The following PHF14 variants were observed in gnomAD, a reference collection of about 807,000 sequenced individuals.
PHF14 encodes PHD finger protein 14.
PHF14 carries 55 observed loss-of-function variants against 117.9 expected under a neutral mutation model. The ratio of observed to expected loss-of-function variants is 0.47; its 90% CI spans 0.38 to 0.58. PHF14 has a LOEUF of 0.58. PHF14 is among the 20% of genes least tolerant of loss of function. PHF14 has a pLI of 0.00. For synonymous variants in PHF14, 409 were observed against 368.6 expected (o/e 1.11, Z -1.26); for missense variants, 978 against 1,122.2 (o/e 0.87, Z 1.84).
intron 16 of PHF14, chr7:11,105,704 TAAA>T: frequency 1.0e-6 from 1 of 984,650 alleles, no homozygotes; most frequent in Non-Finnish European, 1.2e-6. Flanking sequence ...TATTTCTCTA[TAAA>T]AGTGGAAGCC....
chr7:11,134,732 G>A (rs1482478062), intron 17 of PHF14, among the ~76,000 whole-genome samples: 1 of 151,884 alleles, frequency 6.6e-6, no homozygotes, highest in Non-Finnish European at 1.5e-5. Context: ...AGAAATTATC[G>A]TAATCTTGTC....
intron 4 of PHF14, among the ~76,000 whole-genome samples, chr7:10,995,501 C>T (rs961079579): frequency 1.3e-5 from 2 of 152,240 alleles, no homozygotes; most frequent in Non-Finnish European, 2.9e-5. Context: ...CCAGTGGATC[C>T]CGCACCAGGG....
intron 14 of PHF14, among the ~76,000 whole-genome samples, chr7:11,055,466 C>T (rs1394734748): frequency 1.3e-5 from 2 of 152,118 alleles, no homozygotes; most frequent in African/African-American, 2.4e-5. Flanking sequence ...GATCTTTCTT[C>T]CTGACTTACA....
At chr7:11,020,462 C>T (rs115673943) in intron 5 of PHF14, among the ~76,000 whole-genome samples, 1,999 of 151,988 alleles carry the variant, frequency 0.013, 45 homozygotes, top group African/African-American at 0.046. Context: ...ATTGTAAACC[C>T]CCGCCTCCTA....
At chr7:11,092,315 G>A (rs990839483) in intron 16 of PHF14, among the ~76,000 whole-genome samples, 3 of 152,148 alleles carry the variant, frequency 2.0e-5, no homozygotes, top group African/African-American at 7.2e-5. Context: ...CTTGTTAAAA[G>A]GGTTTCTGTT....
At chr7:10,998,869 C>T (rs115102687) in intron 4 of PHF14, among the ~76,000 whole-genome samples, 4 of 152,124 alleles carry the variant, frequency 2.6e-5, no homozygotes, top group African/African-American at 7.2e-5. Context: ...ATCTCTACTT[C>T]TTAAGTCATT....
intron 7 of PHF14, among the ~76,000 whole-genome samples, chr7:11,034,227 T>C (rs1458764454): frequency 6.6e-6 from 1 of 151,994 alleles, no homozygotes; most frequent in African/African-American, 2.4e-5. Context: ...TGTAAAACTC[T>C]ACTTAGAGAC....
chr7:11,109,724 C>T (rs551841750), intron 16 of PHF14: 3 of 151,864 alleles, frequency 2.0e-5, no homozygotes, highest in African/African-American at 7.2e-5. Context: ...AATGCCAGAA[C>T]AACAGGTATT....
intron 16 of PHF14, among the ~76,000 whole-genome samples, chr7:11,078,585 A>G (rs543105853): frequency 1.9e-3 from 293 of 152,294 alleles, no homozygotes; most frequent in Non-Finnish European, 3.7e-3. Flanking sequence ...TAAGAAGAGA[A>G]AGAAATTCAG....
chr7:11,003,900 T>A (rs984276299), intron 4 of PHF14, among the ~76,000 whole-genome samples: 85 of 152,262 alleles, frequency 5.6e-4, no homozygotes, highest in African/African-American at 1.9e-3. Context: ...TTAACTTTAT[T>A]TTATTATGTA....
chr7:11,142,126 T>C lies in PHF14; in HGVS notation c.2773-27290T>C, dbSNP rs546790749. ...TTCTCAGTAAAAGCAAATAGTTTTA[T>C]TGAGCTTTCTCCAAAATGTAGACAA... is the stretch of plus-strand genomic sequence containing the variant. On this transcript the variant is annotated intron_variant, in intron 17 of 17. Coordinates refer to ENST00000634607, the MANE Select transcript of PHF14 (RefSeq NM_001007157.2). Among the ~76,000 whole-genome samples the C allele has an allele frequency of 8.5e-5, 13 of 152,162 alleles. No homozygotes were observed. The East Asian group carries it at 2.3e-3, about 27-fold the overall frequency.
At chr7:11,014,791 A>G (rs1783474111) in intron 5 of PHF14, 1 of 152,150 alleles carries the variant, frequency 6.6e-6, no homozygotes, top group East Asian at 1.9e-4. Context: ...GCAATTAATA[A>G]GTGGCACAAA....
chr7:11,075,308 A>G (rs1785791934), intron 16 of PHF14, among the ~76,000 whole-genome samples: 1 of 152,142 alleles, frequency 6.6e-6, no homozygotes, highest in Non-Finnish European at 1.5e-5. Context: ...TGTTGCCATA[A>G]AGAAGTACCA....
At chr7:11,088,456 T>A (rs1486581461) in intron 16 of PHF14, among the ~76,000 whole-genome samples, 1 of 151,862 alleles carries the variant, frequency 6.6e-6, no homozygotes, top group Non-Finnish European at 1.5e-5. Context: ...ACATGAGAAA[T>A]TGTCAAATTT....
chr7:11,013,164 A>C lies in PHF14; in HGVS notation c.1046-583A>C, dbSNP rs187760860. Among the ~76,000 whole-genome samples, 717 of 151,968 alleles carry C rather than the reference A, an allele frequency of 4.7e-3. 2 individuals are homozygous for C. The highest frequency in any genetic ancestry group is 9.1e-3 in the Admixed American group (139 of 15,240). ...ACAACTTGTATTTTTTATATTTTATATTTTTATTTTTTATGAGATGGAATT... is the reference window on the plus strand; with the variant it reads ...ACAACTTGTATTTTTTATATTTTATCTTTTTATTTTTTATGAGATGGAATT... On this transcript the variant is annotated intron_variant, in intron 4 of 17. Coordinates refer to ENST00000634607, the MANE Select transcript of PHF14 (RefSeq NM_001007157.2).
intron 4 of PHF14, among the ~76,000 whole-genome samples, chr7:10,993,914 CAGG>C (rs898958552): frequency 6.6e-6 from 1 of 150,500 alleles, no homozygotes; most frequent in Non-Finnish European, 1.5e-5. Flanking sequence ...GAGGCTAAGG[CAGG>C]AGATTTGCTG....
At chr7:11,103,789 T>C (rs1405458831) in intron 16 of PHF14, 2 of 985,032 alleles carry the variant, frequency 2.0e-6, no homozygotes, top group African/African-American at 3.5e-5. Context: ...AGGAACGCTA[T>C]GATTGGATGA....
rs201611627 is a variant in PHF14, at chr7:11,061,993, A to G, written c.2562A>G (p.Arg854=). 1.4e-4 allele frequency: 230 copies of G among 1,603,114 alleles called. No individual in the cohort carries two copies. Among genetic ancestry groups the G allele is most frequent in the Non-Finnish European group, 5.0e-5 (59 of 1,174,030 alleles). Residue 854 remains arginine (R), a synonymous_variant, in exon 16 of 18, where the codon AGA becomes AGG. Coordinates refer to ENST00000634607, the MANE Select transcript of PHF14 (RefSeq NM_001007157.2). ...EERVPRERRQ[R]QSVLQKKPKA... is the part of the protein sequence containing the mutation. ...GAGTTCCTAGAGAGAGAAGACAAAG[A>G]CAGTCTGTGTTGCAAAAGAAGCCCA...
rs1184445343 is a variant in PHF14, at chr7:11,062,204, G to A, written c.2654+119G>A. ...GACCTTTCTTAAAATATTATATAGT[G>A]GAAACAGTACTTTAGAAACAGATTT... On this transcript the variant is annotated intron_variant, in intron 16 of 17. Transcript: ENST00000634607. 8.0e-6 allele frequency: 6 copies of A among 746,688 alleles called. No homozygotes were observed. In the East Asian group the frequency reaches 1.7e-4, roughly 22 times the overall value. The allele number at this position is 746,688 out of a possible 1,614,324, so 46.3% of individuals were successfully genotyped here. A position where few individuals can be genotyped will look rare whatever the true frequency, so the allele number is the denominator to read the frequency against.
Sources: gnomAD v4.1 joint callset for allele counts (sites outside exome capture counted in the v4.1 genomes callset) on GRCh38, gnomAD v4.1.1 for gene constraint, MANE v1.5 for transcripts, NCBI Gene and HGNC (gene_info 2026-07-23, HGNC 2026-07-21) for gene names.